Variants in CDH10 observed in about 807,000 individuals in gnomAD.
CDH10 encodes the protein cadherin 10.
A neutral mutation model predicts 73.1 loss-of-function variants in CDH10; 30 were observed. The observed-to-expected ratio is 0.41, with a 90% CI of 0.31 to 0.56. The LOEUF (loss-of-function observed/expected upper bound fraction) is 0.56. Ranked by LOEUF, CDH10 falls within the 20% of genes least tolerant of loss-of-function variation. CDH10 has a pLI of 0.27. For missense variants in CDH10, 815 were observed against 973.7 expected (o/e 0.84, Z 2.17); for synonymous variants, 345 against 348.2 (o/e 0.99, Z 0.10).
At chr5:24,557,258 T>C (rs952129866) in intron 2 of CDH10, among the ~76,000 whole-genome samples, 1 of 151,834 alleles carries the variant, frequency 6.6e-6, no homozygotes, top group Non-Finnish European at 1.5e-5. Context: ...CAGATAATTT[T>C]TTAATTTGAA....
intron 1 of CDH10, among the ~76,000 whole-genome samples, chr5:24,604,766 G>A (rs1367124346): frequency 6.6e-6 from 1 of 151,802 alleles, no homozygotes; most frequent in Non-Finnish European, 1.5e-5. Context: ...CCAGCTACTT[G>A]GGAGGCAGGG....
intron 2 of CDH10, among the ~76,000 whole-genome samples, chr5:24,570,155 A>C (rs1270358486): frequency 6.6e-6 from 1 of 152,176 alleles, no homozygotes; most frequent in African/African-American, 2.4e-5. Context: ...AGAGATATTA[A>C]TTTGTAGAAA....
intron 3 of CDH10, among the ~76,000 whole-genome samples, chr5:24,536,779 T>TGTATCA (rs764756905): frequency 9.2e-5 from 14 of 152,054 alleles, no homozygotes; most frequent in Admixed American, 2.0e-4. Context: ...TTGGTAATTC[T>TGTATCA]GTATCAGTAT....
At chr5:24,636,933 A>C (rs1159982883) in intron 1 of CDH10, among the ~76,000 whole-genome samples, 4 of 151,960 alleles carry the variant, frequency 2.6e-5, no homozygotes, top group Admixed American at 2.0e-4. Context: ...TCAGGGATTA[A>C]CTAAAGAAAT....
chr5:24,531,575 G>A (rs1639074791), intron 5 of CDH10, among the ~76,000 whole-genome samples: 1 of 152,008 alleles, frequency 6.6e-6, no homozygotes, highest in African/African-American at 2.4e-5. Flanking sequence ...GTCTTACATG[G>A]CAGCAGGAAA....
intron 1 of CDH10, among the ~76,000 whole-genome samples, chr5:24,597,202 C>T (rs761690992): frequency 9.9e-5 from 15 of 152,018 alleles, no homozygotes; most frequent in Non-Finnish European, 1.9e-4. Flanking sequence ...AGTGCTCCTC[C>T]ACTTTTAATA....
chr5:24,537,371 T>C lies in CDH10; in HGVS notation c.526+9A>G, dbSNP rs372694377. ...TGAATACCATCATAAACGCTGTAAA[T>C]GAACTTACCTACAACAGACATTTCG... On this transcript the variant is annotated intron_variant, in intron 3 of 11. Coordinates refer to ENST00000264463, the MANE Select transcript of CDH10 (RefSeq NM_006727.5). 30 of 1,588,200 alleles carry C rather than the reference T, an allele frequency of 1.9e-5. No individual in the cohort carries two copies. The highest frequency in any genetic ancestry group is 2.5e-5 in the Non-Finnish European group (29 of 1,165,480).
chr5:24,568,974 G>A (rs1745265549), intron 2 of CDH10, among the ~76,000 whole-genome samples: 2 of 151,924 alleles, frequency 1.3e-5, no homozygotes, highest in Admixed American at 6.6e-5. Flanking sequence ...GCTGTCCGTG[G>A]TGGCAGGCAC....
chr5:24,497,118 T>C lies in CDH10; in HGVS notation c.1515+1280A>G, dbSNP rs3797174. On this transcript the variant is annotated intron_variant, in intron 9 of 11. Coordinates refer to ENST00000264463, the MANE Select transcript of CDH10 (RefSeq NM_006727.5). ...GTATGGAGACGTTGTGAGCCAGTTA[T>C]AGTGAAAAAGAAAATAGACAGAAGG... 4.2e-3 allele frequency among the ~76,000 whole-genome samples: 636 copies of C among 152,248 alleles called. 10 individuals are homozygous for C. The highest frequency in any genetic ancestry group is 0.025 in the East Asian group (132 of 5,182).
intron 2 of CDH10, among the ~76,000 whole-genome samples, chr5:24,560,510 T>A (rs1744921062): frequency 6.6e-6 from 1 of 152,050 alleles, no homozygotes; most frequent in East Asian, 1.9e-4. Flanking sequence ...GTGCCCTAAG[T>A]TTGAATAATG....
chr5:24,533,322 C>T (rs1259171294), intron 5 of CDH10, among the ~76,000 whole-genome samples: 2 of 151,366 alleles, frequency 1.3e-5, no homozygotes, highest in African/African-American at 4.8e-5. Context: ...GTGAGACTCA[C>T]TCTCAAAAAT....
chr5:24,546,811 T>C (rs1744359441), intron 2 of CDH10, among the ~76,000 whole-genome samples: 1 of 152,042 alleles, frequency 6.6e-6, no homozygotes, highest in Non-Finnish European at 1.5e-5. Context: ...TCACAGCACA[T>C]AGTACATTTT....
intron 2 of CDH10, among the ~76,000 whole-genome samples, chr5:24,574,883 C>CA (rs1374842152): frequency 6.7e-6 from 1 of 150,240 alleles, no homozygotes; most frequent in African/African-American, 2.4e-5. Context: ...AAATAGAAAA[C>CA]AAATAGATTA....
At chr5:24,587,549 A>G (rs1746064960) in intron 2 of CDH10, among the ~76,000 whole-genome samples, 1 of 152,110 alleles carries the variant, frequency 6.6e-6, no homozygotes, top group South Asian at 2.1e-4. Context: ...GTATTGATAA[A>G]TTATATTGAG....
chr5:24,563,469 T>C (rs1393820968), intron 2 of CDH10, among the ~76,000 whole-genome samples: 2 of 142,904 alleles, frequency 1.4e-5, no homozygotes, highest in Non-Finnish European at 3.0e-5. Context: ...AAAAACTATG[T>C]AAACAGCCGG....
chr5:24,629,034 T>G (rs1324079442), intron 1 of CDH10, among the ~76,000 whole-genome samples: 1 of 152,130 alleles, frequency 6.6e-6, no homozygotes, highest in African/African-American at 2.4e-5. Flanking sequence ...TGTCTCTTAG[T>G]TTTTCTACTA....
intron 8 of CDH10, among the ~76,000 whole-genome samples, chr5:24,504,505 T>A (rs969793750): frequency 4.7e-5 from 1 of 21,300 alleles, no homozygotes; most frequent in Non-Finnish European, 8.1e-5. Context: ...CTCCTATTAA[T>A]CTTTTTTTTT....
Position 24,505,107 on chromosome 5 carries a change from C to G in CDH10, c.1393+5G>C, listed in dbSNP as rs1742657082. The G allele has an allele frequency of 6.2e-7, 1 of 1,601,418 alleles. No individual in the cohort carries two copies. The highest frequency in any genetic ancestry group is 1.3e-5 in the African/African-American group (1 of 74,506). On this transcript the variant is annotated splice_donor_5th_base_variant and intron_variant, in intron 8 of 11. Transcript: ENST00000264463. ...TATATGTTAGATACATAAAATTCAT[C>G]TTACTGATTTCAGCAGCAATAACAG...
chr5:24,573,959 A>C (rs988213878), intron 2 of CDH10, among the ~76,000 whole-genome samples: 1 of 151,234 alleles, frequency 6.6e-6, no homozygotes. Flanking sequence ...ATCTCCGCTC[A>C]CTGCAAGCTC....
Sources: allele counts gnomAD v4.1 joint callset (sites outside exome capture counted in the v4.1 genomes callset), GRCh38; gene constraint gnomAD v4.1.1; transcripts MANE v1.5; gene names NCBI Gene and HGNC (gene_info 2026-07-23, HGNC 2026-07-21).